DLGAP2: variants seen among roughly 807,000 people sequenced by gnomAD.
DLGAP2 encodes disks large-associated protein 2.
A neutral mutation model predicts 100.3 loss-of-function variants in DLGAP2; 26 were observed. That is an observed-to-expected ratio of 0.26 (90% CI 0.19 to 0.36). The LOEUF (loss-of-function observed/expected upper bound fraction) is 0.36. DLGAP2 is among the 10% of genes least tolerant of loss of function. The pLI is 1.00. For missense variants in DLGAP2, 1,858 were observed against 1,453.2 expected (o/e 1.28, Z -4.53); for synonymous variants, 886 against 630.1 (o/e 1.41, Z -6.08).
At chr8:789,339 T>C (rs577785953) in intron 1 of DLGAP2, among the ~76,000 whole-genome samples, 2 of 152,298 alleles carry the variant, frequency 1.3e-5, no homozygotes, top group Non-Finnish European at 2.9e-5. Flanking sequence ...ATATCCCGCA[T>C]GGCCGGAGCA....
At chr8:958,257 C>T (rs1284657348) in intron 2 of DLGAP2, among the ~76,000 whole-genome samples, 1 of 151,970 alleles carries the variant, frequency 6.6e-6, no homozygotes, top group Non-Finnish European at 1.5e-5. Flanking sequence ...TGTGTGGACA[C>T]CCCCCCACCG....
chr8:1,312,186 A>G (rs184304758), intron 3 of DLGAP2, among the ~76,000 whole-genome samples: 49 of 152,320 alleles, frequency 3.2e-4, no homozygotes, highest in East Asian at 1.9e-4. Context: ...CAACCTTTTC[A>G]TAAAAGTTAC....
At chr8:1,528,379 G>T (rs535422736) in intron 4 of DLGAP2, among the ~76,000 whole-genome samples, 56 of 152,366 alleles carry the variant, frequency 3.7e-4, no homozygotes, top group African/African-American at 1.3e-3. Context: ...TGCCAGGGAT[G>T]AGGGCAGAGG....
Position 1,702,328 on chromosome 8 carries a change from A to T in DLGAP2, c.*922A>T, listed in dbSNP as rs1159570230. On this transcript the variant is annotated 3_prime_UTR_variant, in exon 15 of 15. Coordinates refer to ENST00000637795, the MANE Select transcript of DLGAP2 (RefSeq NM_001346810.2). ...ATGTATGTATATATATATATTCTCA[A>T]ATTGCTCTATCAGCTGACTTTTCAG... 1 of 152,100 alleles carries T rather than the reference A, an allele frequency of 6.6e-6. No individual in the cohort carries two copies. The highest frequency in any genetic ancestry group is 1.5e-5 in the Non-Finnish European group (1 of 68,014). The allele number at this position is 152,100 out of a possible 1,614,324, so 9.4% of individuals were successfully genotyped here. A position where few individuals can be genotyped will look rare whatever the true frequency, so the allele number is the denominator to read the frequency against.
At chr8:1,447,682 T>G (rs1798019403) in intron 3 of DLGAP2, among the ~76,000 whole-genome samples, 1 of 152,260 alleles carries the variant, frequency 6.6e-6, no homozygotes, top group African/African-American at 2.4e-5. Context: ...TCCTTGTGCC[T>G]CTGGTAGAAT....
intron 2 of DLGAP2, among the ~76,000 whole-genome samples, chr8:996,268 C>G (rs1800781716): frequency 2.0e-5 from 3 of 152,288 alleles, no homozygotes; most frequent in African/African-American, 7.2e-5. Context: ...GTTACTTCCC[C>G]AGAATCACTC....
intron 2 of DLGAP2, among the ~76,000 whole-genome samples, chr8:1,115,042 G>T (rs1052032601): frequency 6.6e-6 from 1 of 152,152 alleles, no homozygotes; most frequent in African/African-American, 2.4e-5. Context: ...CTTTTATTGT[G>T]CTGTGGTCCA....
intron 1 of DLGAP2, among the ~76,000 whole-genome samples, chr8:776,221 T>C (rs1821512045): frequency 6.6e-6 from 1 of 152,012 alleles, no homozygotes; most frequent in African/African-American, 2.4e-5. Flanking sequence ...TTTTATTGCG[T>C]CTATTTGATT....
At chr8:1,502,536 T>G (rs748016563) in intron 4 of DLGAP2, among the ~76,000 whole-genome samples, 1 of 152,140 alleles carries the variant, frequency 6.6e-6, no homozygotes, top group Non-Finnish European at 1.5e-5. Flanking sequence ...TGTTGCTAAC[T>G]GACGTTCTAC....
intron 8 of DLGAP2, among the ~76,000 whole-genome samples, chr8:1,658,516 C>T (rs916359909): frequency 5.3e-5 from 8 of 152,114 alleles, no homozygotes; most frequent in Admixed American, 3.9e-4. Context: ...CTGCCTATTT[C>T]AGAACTTGTT....
intron 1 of DLGAP2, among the ~76,000 whole-genome samples, chr8:748,424 G>T (rs1247422536): frequency 6.6e-6 from 1 of 152,090 alleles, no homozygotes; most frequent in South Asian, 2.1e-4. Flanking sequence ...CCACAGGGGT[G>T]CAGGGCCCCT....
intron 3 of DLGAP2, among the ~76,000 whole-genome samples, chr8:1,444,915 G>A (rs533000165): frequency 6.6e-6 from 1 of 150,550 alleles, no homozygotes; most frequent in African/African-American, 2.4e-5. Context: ...TGGGATTATA[G>A]GCGTGTGCCC....
chr8:1,174,076 G>T (rs1797196184), intron 2 of DLGAP2, among the ~76,000 whole-genome samples: 1 of 152,274 alleles, frequency 6.6e-6, no homozygotes, highest in South Asian at 2.1e-4. Context: ...CTGTTGTAGG[G>T]GTCATGGGAG....
In DLGAP2 at chr8:1,314,783, C is replaced by T. The variant is rs73543628; in HGVS notation, c.106+55900C>T. ...CACTTCTCTCTCTTTTCTGAATTTTCGTGGAAGTTTCACTTGTTCATTATG... is the reference window on the plus strand; with the variant it reads ...CACTTCTCTCTCTTTTCTGAATTTTTGTGGAAGTTTCACTTGTTCATTATG... On this transcript the variant is annotated intron_variant, in intron 3 of 14. Transcript: ENST00000637795. 9.7e-3 allele frequency among the ~76,000 whole-genome samples: 1,478 copies of T among 152,334 alleles called. 17 individuals are homozygous for T. The highest frequency in any genetic ancestry group is 0.035 in the African/African-American group (1,435 of 41,566).
intron 2 of DLGAP2, among the ~76,000 whole-genome samples, chr8:1,226,457 A>C (rs988356962): frequency 6.6e-6 from 1 of 152,098 alleles, no homozygotes; most frequent in African/African-American, 2.4e-5. Context: ...AGAACAACAC[A>C]CACAGGGGCC....
intron 2 of DLGAP2, among the ~76,000 whole-genome samples, chr8:997,106 T>C (rs1425494541): frequency 1.3e-5 from 2 of 152,152 alleles, no homozygotes; most frequent in Non-Finnish European, 1.5e-5. Context: ...TGTATGAAAA[T>C]TGAGAAAAAA....
intron 1 of DLGAP2, among the ~76,000 whole-genome samples, chr8:773,028 T>G (rs1293768073): frequency 6.6e-6 from 1 of 152,166 alleles, no homozygotes; most frequent in African/African-American, 2.4e-5. Context: ...TTGTTTATGC[T>G]GGGTGGAGGA....
intron 2 of DLGAP2, among the ~76,000 whole-genome samples, chr8:954,435 C>G (rs1443686563): frequency 6.6e-6 from 1 of 152,152 alleles, no homozygotes; most frequent in African/African-American, 2.4e-5. Context: ...GACGCAGTAT[C>G]TGTAATACTA....
In DLGAP2 at chr8:1,297,381, C is replaced by T. The variant is rs140079293; in HGVS notation, c.106+38498C>T. ...CTAAGAACCAGAGCTTCAGTGAGAG[C>T]TTTAAATCATGTATTTCATGTGGTG... is the stretch of plus-strand genomic sequence containing the variant. On this transcript the variant is annotated intron_variant, in intron 3 of 14. Transcript: ENST00000637795. Among the ~76,000 whole-genome samples the T allele has an allele frequency of 3.3e-4, 50 of 152,334 alleles. 2 individuals are homozygous for T. The East Asian group carries it at 9.5e-3, about 29-fold the overall frequency.
Sources: allele counts gnomAD v4.1 joint callset (sites outside exome capture counted in the v4.1 genomes callset), GRCh38; gene constraint gnomAD v4.1.1; transcripts MANE v1.5; gene names NCBI Gene and HGNC (gene_info 2026-07-23, HGNC 2026-07-21).